The following GRIA1 variants were observed in gnomAD, a reference collection of about 807,000 sequenced individuals.
The protein encoded by GRIA1 is glutamate ionotropic receptor AMPA type subunit 1.
A neutral mutation model predicts 99.2 loss-of-function variants in GRIA1; 31 were observed. The ratio of observed to expected loss-of-function variants is 0.31; its 90% confidence interval spans 0.23 to 0.42. The LOEUF is 0.42. Among genes scored for constraint, GRIA1 ranks in the 10% least tolerant of loss-of-function variants. GRIA1 has a pLI of 1.00. For missense variants in GRIA1, 782 were observed against 1,157.5 expected, an observed-to-expected ratio of 0.68 and a Z score of 4.71; for synonymous variants, 438 against 432.4, an observed-to-expected ratio of 1.01 and a Z score of -0.16.
intron 15 of GRIA1, among the ~76,000 whole-genome samples, chr5:153,804,110 A>G (rs917013854): frequency 6.6e-6 from 1 of 152,068 alleles, no homozygotes; most frequent in African/African-American, 2.4e-5. Flanking sequence ...CTTCTGTTTC[A>G]TAGAGCCCAT....
chr5:153,775,400 A>G (rs571978839), intron 13 of GRIA1, among the ~76,000 whole-genome samples: 2 of 152,188 alleles, frequency 1.3e-5, no homozygotes, highest in Non-Finnish European at 2.9e-5. Context: ...CTGTGGTTAC[A>G]TGGAGTCTTC....
intron 2 of GRIA1, among the ~76,000 whole-genome samples, chr5:153,563,057 T>A (rs1260066985): frequency 6.6e-6 from 1 of 151,504 alleles, no homozygotes; most frequent in Non-Finnish European, 1.5e-5. Context: ...GCGCCTGTAA[T>A]CCCAGCTCCT....
chr5:153,522,838 A>G (rs1757272475), intron 2 of GRIA1, among the ~76,000 whole-genome samples: 1 of 152,228 alleles, frequency 6.6e-6, no homozygotes, highest in Non-Finnish European at 1.5e-5. Flanking sequence ...GCTAAATGTT[A>G]TCTCAGAGGA....
chr5:153,607,783 A>G (rs1765588300), intron 2 of GRIA1, among the ~76,000 whole-genome samples: 1 of 152,078 alleles, frequency 6.6e-6, no homozygotes, highest in African/African-American at 2.4e-5. Flanking sequence ...TTTACAGTCG[A>G]CAATATGGTA....
chr5:153,682,306 C>T (rs111491619), intron 7 of GRIA1, among the ~76,000 whole-genome samples: 375 of 152,264 alleles, frequency 2.5e-3, no homozygotes, highest in African/African-American at 8.5e-3. Flanking sequence ...TTTGACTGCT[C>T]GGCTGTCTCC....
chr5:153,674,532 G>A lies in GRIA1; in HGVS notation c.732G>A (p.Lys244=). The change falls in exon 6 of 16, where the codon AAG becomes AAA. Residue 244 remains lysine, a synonymous_variant. Transcript: ENST00000285900. ...GFMDIDLNKF[K]ESGANVTGFQ... The stretch of plus-strand genomic sequence containing the variant: ...TGGACATTGACTTAAACAAATTCAA[G>A]GAGAGTGGCGCCAATGTGACAGGTT... 1 of 1,614,106 alleles carries A rather than the reference G, an allele frequency of 6.2e-7. No individual in the cohort carries two copies. The highest frequency in any genetic ancestry group is 8.5e-7 in the Non-Finnish European group (1 of 1,179,988).
chr5:153,549,899 A>G (rs1759975442), intron 2 of GRIA1, among the ~76,000 whole-genome samples: 1 of 152,176 alleles, frequency 6.6e-6, no homozygotes, highest in Non-Finnish European at 1.5e-5. Flanking sequence ...TTTGTCCTCC[A>G]TCCATTAAAT....
chr5:153,489,867 C>T (rs1475342159), upstream of GRIA1: 2 of 456,360 alleles, frequency 4.4e-6, no homozygotes, highest in African/African-American at 4.0e-5. Flanking sequence ...ATTGTACACC[C>T]ACACGATTCT....
intron 4 of GRIA1, among the ~76,000 whole-genome samples, chr5:153,654,367 C>T (rs1754784271): frequency 6.6e-6 from 1 of 152,080 alleles, no homozygotes; most frequent in African/African-American, 2.4e-5. Context: ...CTTGTGGGGA[C>T]AATATTTCTC....
chr5:153,555,584 G>A (rs980092368), intron 2 of GRIA1, among the ~76,000 whole-genome samples: 16 of 152,066 alleles, frequency 1.1e-4, no homozygotes, highest in Non-Finnish European at 1.6e-4. Context: ...CACTTGCAAC[G>A]CAAAGACCAG....
At chr5:153,729,035 C>T (rs1185310913) in intron 11 of GRIA1, among the ~76,000 whole-genome samples, 1 of 143,644 alleles carries the variant, frequency 7.0e-6, no homozygotes, top group Non-Finnish European at 1.5e-5. Flanking sequence ...ACATATACAC[C>T]GTGGAATACT....
At chr5:153,720,441 GC>G (rs1438796876) in intron 11 of GRIA1, among the ~76,000 whole-genome samples, 1 of 152,148 alleles carries the variant, frequency 6.6e-6, no homozygotes, top group East Asian at 1.9e-4. Context: ...ACTAAAATAA[GC>G]CCAGTCACTG....
chr5:153,628,537 G>A (rs1767851595), intron 2 of GRIA1, among the ~76,000 whole-genome samples: 2 of 152,204 alleles, frequency 1.3e-5, no homozygotes, highest in Admixed American at 6.5e-5. Flanking sequence ...TTTATTGTCT[G>A]TGCTATGACT....
intron 3 of GRIA1, among the ~76,000 whole-genome samples, 176 bp downstream of exon 3, chr5:153,647,343 C>T (rs533895341): frequency 2.0e-5 from 3 of 152,260 alleles, no homozygotes; most frequent in South Asian, 2.1e-4. Context: ...AGTTTGGAAA[C>T]GCATTCTGAG....
At chr5:153,767,786 G>C (rs544661749) in intron 12 of GRIA1, among the ~76,000 whole-genome samples, 2 of 152,284 alleles carry the variant, frequency 1.3e-5, no homozygotes, top group East Asian at 3.9e-4. Context: ...AAGAGTCATG[G>C]GAGCTGCGGA....
At chr5:153,782,558 A>G (rs187437226) in intron 13 of GRIA1, among the ~76,000 whole-genome samples, 1 of 152,334 alleles carries the variant, frequency 6.6e-6, no homozygotes, top group East Asian at 1.9e-4. Context: ...AGAAGGATAA[A>G]GAGAAGGCAC....
At chr5:153,568,201 C>T (rs1038568666) in intron 2 of GRIA1, among the ~76,000 whole-genome samples, 1 of 152,176 alleles carries the variant, frequency 6.6e-6, no homozygotes, top group African/African-American at 2.4e-5. Context: ...CTCTAACTGA[C>T]CTTTCCCTGA....
intron 2 of GRIA1, among the ~76,000 whole-genome samples, chr5:153,571,990 T>C (rs1762153528): frequency 6.6e-6 from 1 of 152,210 alleles, no homozygotes; most frequent in African/African-American, 2.4e-5. Context: ...TATAAGAGCC[T>C]TTTAGACTTC....
chr5:153,503,071 C>T lies in GRIA1; in HGVS notation c.220+9006C>T, dbSNP rs77246524. 2.7e-3 allele frequency among the ~76,000 whole-genome samples: 404 copies of T among 152,250 alleles called. 2 individuals are homozygous for T. The highest frequency in any genetic ancestry group is 9.4e-3 in the African/African-American group (389 of 41,554). On this transcript the variant is annotated intron_variant, in intron 2 of 15. Transcript: ENST00000285900. ...AATGGTTTCATAAAAGCCCACTGTA[C>T]ATATGTACCCTAATTTATTTAAGCT...
Sources: allele counts gnomAD v4.1 joint callset (sites outside exome capture counted in the v4.1 genomes callset), GRCh38; gene constraint gnomAD v4.1.1; transcripts MANE v1.5; gene names NCBI Gene and HGNC (gene_info 2026-07-23, HGNC 2026-07-21).